The following KLHL8 variants were observed in gnomAD, a reference collection of about 807,000 sequenced individuals.
The protein encoded by KLHL8 is kelch like family member 8, also known as kelch-like protein 8.
Under a neutral mutation model 63.5 loss-of-function variants are expected in KLHL8, and 38 were observed. The ratio of observed to expected loss-of-function variants is 0.60; its 90% CI spans 0.46 to 0.78. The LOEUF (loss-of-function observed/expected upper bound fraction) is 0.78. Among genes scored for constraint, KLHL8 ranks in the 30% least tolerant of loss-of-function variants. The pLI is 0.00. For missense variants in KLHL8, 566 were observed against 752.4 expected (o/e 0.75, Z 2.90); for synonymous variants, 224 against 254.3 (o/e 0.88, Z 1.13).
upstream of KLHL8, among the ~76,000 whole-genome samples, chr4:87,221,700 A>T (rs1732858806): frequency 6.6e-6 from 1 of 152,048 alleles, no homozygotes; most frequent in African/African-American, 2.4e-5. Flanking sequence ...CTGTATATAT[A>T]TATGCATCTT....
At chr4:87,231,093 A>G (rs1733128968) in intron 1 of KLHL8, among the ~76,000 whole-genome samples, 1 of 152,026 alleles carries the variant, frequency 6.6e-6, no homozygotes, top group Non-Finnish European at 1.5e-5. Flanking sequence ...CCCTCCCTGA[A>G]AGCGGATTTC....
rs1305286729 is a variant in KLHL8, at chr4:87,161,702, A to C, written c.*1817T>G. ...ATAGACATTGAAGCCAGGTTTTGAC[A>C]CTTATTCTCCACATCCAGCCAGTTG... On this transcript the variant is annotated 3_prime_UTR_variant, in exon 10 of 10. Coordinates refer to ENST00000273963, the MANE Select transcript of KLHL8 (RefSeq NM_020803.5). The C allele has an allele frequency of 6.6e-6, 1 of 152,242 alleles. No homozygotes were observed. Among genetic ancestry groups the C allele is most frequent in the African/African-American group, 2.4e-5 (1 of 41,456 alleles). The allele number at this position is 152,242 out of a possible 1,614,324, so 9.4% of individuals were successfully genotyped here. A position where few individuals can be genotyped will look rare whatever the true frequency, so the allele number is the denominator to read the frequency against.
intron 2 of KLHL8, 86 bp from the exon 3 acceptor site, chr4:87,185,885 A>G: frequency 8.9e-7 from 1 of 1,126,996 alleles, no homozygotes; most frequent in Middle Eastern, 2.8e-4. Context: ...AGCAGGGACA[A>G]AATTTCCAGA....
chr4:87,188,410 C>T (rs768176527), intron 2 of KLHL8, among the ~76,000 whole-genome samples: 1 of 152,166 alleles, frequency 6.6e-6, no homozygotes, highest in Non-Finnish European at 1.5e-5. Context: ...TATTTTAACA[C>T]TTGCCATCCA....
intron 1 of KLHL8, among the ~76,000 whole-genome samples, chr4:87,211,860 T>C (rs897924026): frequency 1.3e-5 from 2 of 152,176 alleles, no homozygotes; most frequent in African/African-American, 2.4e-5. Flanking sequence ...GTCAAAGTCA[T>C]AGTTAAACTT....
At chr4:87,225,460 C>A (rs1732955717), upstream of KLHL8, among the ~76,000 whole-genome samples, 1 of 152,104 alleles carries the variant, frequency 6.6e-6, no homozygotes, top group Admixed American at 6.5e-5. Context: ...AGTAAACAAC[C>A]ATTCGGTAAC....
chr4:87,189,752 C>T (rs974367067), intron 2 of KLHL8, among the ~76,000 whole-genome samples: 1 of 151,794 alleles, frequency 6.6e-6, no homozygotes, highest in Non-Finnish European at 1.5e-5. Context: ...AAAGGCCGGG[C>T]GCAGCTCACG....
At chr4:87,219,110 G>T (rs374149501) in intron 1 of KLHL8, among the ~76,000 whole-genome samples, 24 of 152,324 alleles carry the variant, frequency 1.6e-4, no homozygotes, top group African/African-American at 5.8e-4. Flanking sequence ...AAAAAGTGAC[G>T]AAATAAATAA....
rs1315640206 is a variant in KLHL8, at chr4:87,233,077, T to C, written n.57+7181A>G. Among the ~76,000 whole-genome samples, 3 of 152,102 alleles carry C rather than the reference T, an allele frequency of 2.0e-5. No individual in the cohort carries two copies. In the East Asian group the frequency reaches 5.8e-4, roughly 30 times the overall value. ...TTTTTTGAGATGGAGTCTTGCTTTG[T>C]CGCCAAGGCTGGGGTGTAGTGACAT... On this transcript the variant is annotated intron_variant and non_coding_transcript_variant, in intron 1 of 1. Coordinates refer to the KLHL8 transcript ENST00000506274.
chr4:87,237,911 T>A (rs1733261228), intron 1 of KLHL8, among the ~76,000 whole-genome samples: 1 of 152,078 alleles, frequency 6.6e-6, no homozygotes, highest in African/African-American at 2.4e-5. Context: ...TCTAAACATA[T>A]CTGTGTTCTG....
intron 5 of KLHL8, among the ~76,000 whole-genome samples, chr4:87,177,113 C>T (rs529367298): frequency 6.6e-6 from 1 of 152,106 alleles, no homozygotes; most frequent in African/African-American, 2.4e-5. Context: ...TATCGCCCCC[C>T]CTTAGGCTTC....
At position 87,170,080 on chromosome 4, in the gene KLHL8, A is replaced by T; in HGVS notation, c.1536T>A (p.Val512=). 1 of 1,612,838 alleles carries T rather than the reference A, an allele frequency of 6.2e-7. No individual in the cohort carries two copies. Among genetic ancestry groups the T allele is most frequent in the Non-Finnish European group, 8.5e-7 (1 of 1,179,240 alleles). The change falls in exon 8 of 10, where the codon GTT becomes GTA. Residue 512 remains valine (V), a splice_region_variant and synonymous_variant. Coordinates refer to ENST00000273963, the MANE Select transcript of KLHL8 (RefSeq NM_020803.5). The stretch of plus-strand genomic sequence containing the variant: ...TTAGAGAAATACCCATTTACTCACC[A>T]ACTACGTATAAGCAACCATGAAGCT... The part of the protein sequence containing the change: ...VSKLHGCLYV[V]GGFDDNSPLS...
intron 2 of KLHL8, among the ~76,000 whole-genome samples, chr4:87,191,559 T>C (rs895633700): frequency 6.6e-6 from 1 of 152,116 alleles, no homozygotes; most frequent in African/African-American, 2.4e-5. Flanking sequence ...TTTAAATTTA[T>C]ATTTTTCTTT....
chr4:87,167,308 C>A, intron 8 of KLHL8: 2 of 460,774 alleles, frequency 4.3e-6, no homozygotes, highest in South Asian at 3.6e-5. Flanking sequence ...CTTTAGTGTT[C>A]AAAGACCTGT....
At chr4:87,228,997 T>C (rs563355706) in intron 1 of KLHL8, among the ~76,000 whole-genome samples, 2 of 152,230 alleles carry the variant, frequency 1.3e-5, no homozygotes, top group African/African-American at 2.4e-5. Context: ...AAAGCCAACA[T>C]TGAACATGGA....
In KLHL8 at chr4:87,170,363, T is replaced by A. The variant is rs1730589391; in HGVS notation, c.1377+84A>T. On this transcript the variant is annotated intron_variant, in intron 7 of 9. Transcript: ENST00000273963. ...AATATGATATATAATATCTTCATAC[T>A]GGTGATGATATATTGGACCTTTCCT... 8 of 1,422,904 alleles carry A rather than the reference T, an allele frequency of 5.6e-6. No individual in the cohort carries two copies. In the South Asian group the frequency reaches 1.1e-4, roughly 19 times the overall value. The allele number at this position is 1,422,904 out of a possible 1,614,324, so 88.1% of individuals were successfully genotyped here.
Position 87,163,361 on chromosome 4 carries a change from G to T in KLHL8, c.*158C>A. 1.7e-6 allele frequency: 1 copy of T among 599,366 alleles called. No homozygotes were observed. 37.1% of individuals were successfully genotyped at this position (599,366 alleles called of 1,614,324 possible). ...AACTCTATTACTAATAATTCTTCAG[G>T]TATCATTCCAAAAGTTGTACTTAGT... On this transcript the variant is annotated 3_prime_UTR_variant, in exon 10 of 10. Transcript: ENST00000273963.
intron 1 of KLHL8, among the ~76,000 whole-genome samples, chr4:87,229,048 G>T (rs1049448214): frequency 6.6e-6 from 1 of 152,340 alleles, no homozygotes; most frequent in African/African-American, 2.4e-5. Context: ...CTTTTTCAAA[G>T]AAGCAGAACC....
intron 1 of KLHL8, among the ~76,000 whole-genome samples, chr4:87,206,448 G>T (rs1732136018): frequency 6.6e-6 from 1 of 152,302 alleles, no homozygotes; most frequent in Admixed American, 6.5e-5. Flanking sequence ...ATAAAGTAGG[G>T]AAAGGGGGAA....
Sources: gnomAD v4.1 joint callset for allele counts (sites outside exome capture counted in the v4.1 genomes callset) on GRCh38, gnomAD v4.1.1 for gene constraint, MANE v1.5 for transcripts, NCBI Gene and HGNC (gene_info 2026-07-23, HGNC 2026-07-21) for gene names.